Variants in KCNQ1 observed in about 807,000 individuals in gnomAD.
KCNQ1 encodes the protein potassium voltage-gated channel subfamily Q member 1.
A neutral mutation model predicts 72.4 loss-of-function variants in KCNQ1; 49 were observed. The observed-to-expected ratio is 0.68, with a 90% CI of 0.54 to 0.86. The LOEUF (loss-of-function observed/expected upper bound fraction) is 0.86. Ranked by LOEUF, KCNQ1 falls within the 40% of genes least tolerant of loss-of-function variation. The probability of loss-of-function intolerance (pLI) is 0.00; values close to 1 mark genes in which losing one functional copy is unlikely to be tolerated. For synonymous variants in KCNQ1, 450 were observed against 412.6 expected (o/e 1.09, Z -1.10); for missense variants, 790 against 945.1 (o/e 0.84, Z 2.15).
At chr11:2,732,695 G>A (rs916792208) in intron 11 of KCNQ1, among the ~76,000 whole-genome samples, 4 of 152,226 alleles carry the variant, frequency 2.6e-5, no homozygotes, top group Non-Finnish European at 4.4e-5. Flanking sequence ...AGGCACAAGC[G>A]GCCTTTTCTT....
chr11:2,673,062 T>C lies in KCNQ1; in HGVS notation c.1514+10981T>C, dbSNP rs1850215588. 2.5e-6 allele frequency: 1 copy of C among 398,634 alleles called. No homozygotes were observed. Among genetic ancestry groups the C allele is most frequent in the African/African-American group, 2.1e-5 (1 of 48,610 alleles). The allele number at this position is 398,634 out of a possible 1,614,324, so 24.7% of individuals were successfully genotyped here. A position where few individuals can be genotyped will look rare whatever the true frequency, so the allele number is the denominator to read the frequency against. ...GGGCTGGCCAAAAGGGACAGTGAAG[T>C]TGGCTTCTCAGGCCACAGTAGGCCT... On this transcript the variant is annotated intron_variant, in intron 11 of 15. Transcript: ENST00000155840. This position sits in a 1 kb window ranked among gnomAD's most constrained non-coding sequence, Gnocchi z 4.5.
At position 2,659,542 on chromosome 11, in the gene KCNQ1, A is replaced by G. The variant is rs1849913321; in HGVS notation, c.1394-2419A>G. 2.5e-6 allele frequency: 1 copy of G among 398,446 alleles called. No individual in the cohort carries two copies. The highest frequency in any genetic ancestry group is 1.3e-4 in the South Asian group (1 of 7,864). The allele number at this position is 398,446 out of a possible 1,614,324, so 24.7% of individuals were successfully genotyped here. A position where few individuals can be genotyped will look rare whatever the true frequency, so the allele number is the denominator to read the frequency against. On this transcript the variant is annotated intron_variant, in intron 10 of 15. Transcript: ENST00000155840. The surrounding 1 kb of genome is among the most constrained non-coding windows in gnomAD (Gnocchi z 4.3). ...TCTTCATTGTTTCCAGTATTTGGTA[A>G]TTATGAGCAGAGTTACTATACACAT...
At position 2,815,817 on chromosome 11, in the gene KCNQ1, C is replaced by T. The variant is rs1847601719; in HGVS notation, c.1795-31950C>T. ...CTTCCTGCTGGCCTCCCCAGAGCTC[C>T]AGGCTCTGAGGCCACACCCTCACCC... On this transcript the variant is annotated intron_variant, in intron 15 of 15. Coordinates refer to ENST00000155840, the MANE Select transcript of KCNQ1 (RefSeq NM_000218.3). This position sits in a 1 kb window ranked among gnomAD's most constrained non-coding sequence, Gnocchi z 5.4. Among the ~76,000 whole-genome samples the T allele has an allele frequency of 6.6e-6, 1 of 152,100 alleles. No individual in the cohort carries two copies. Among genetic ancestry groups the T allele is most frequent in the Non-Finnish European group, 1.5e-5 (1 of 67,956 alleles).
chr11:2,708,568 T>A (rs1408740659), intron 11 of KCNQ1, among the ~76,000 whole-genome samples: 2 of 152,016 alleles, frequency 1.3e-5, no homozygotes, highest in African/African-American at 2.4e-5. Flanking sequence ...ACCCCTGGGG[T>A]GCACAGGGTG....
In KCNQ1 at chr11:2,446,348, T is replaced by A. The variant is rs1166863117; in HGVS notation, c.386+864T>A. ...TCCTGGCTGCCCAGCCAGCGGCCTT[T>A]TGGTGTGGTGCCAGCCTCTGGCCTG... On this transcript the variant is annotated intron_variant, in intron 1 of 15. Transcript: ENST00000155840. The surrounding 1 kb of genome is among the most constrained non-coding windows in gnomAD (Gnocchi z 8.8). Among the ~76,000 whole-genome samples the A allele has an allele frequency of 3.3e-5, 5 of 152,234 alleles. No individual in the cohort carries two copies. In the East Asian group the frequency reaches 9.7e-4, roughly 29 times the overall value.
In KCNQ1 at chr11:2,488,424, G is replaced by A. The variant is rs1846776653; in HGVS notation, c.387-39504G>A. ...TTAATTTTTTGGGAAAGATTGAGAA[G>A]GATGGGAGTTTATTCTTTAAATATT... On this transcript the variant is annotated intron_variant, in intron 1 of 15. Transcript: ENST00000155840. The surrounding 1 kb of genome is among the most constrained non-coding windows in gnomAD (Gnocchi z 5.1). Among the ~76,000 whole-genome samples the A allele has an allele frequency of 1.3e-5, 2 of 152,268 alleles. No individual in the cohort carries two copies. The highest frequency in any genetic ancestry group is 3.9e-4 in the East Asian group (2 of 5,190).
chr11:2,676,352 T>C lies in KCNQ1; in HGVS notation c.1514+14271T>C, dbSNP rs964921887. ...TAGTTGAAGTGCTGTTTTCTCATGG[T>C]TGGGCTTCCAGTATAATTGGAAGGA... On this transcript the variant is annotated intron_variant, in intron 11 of 15. Coordinates refer to ENST00000155840, the MANE Select transcript of KCNQ1 (RefSeq NM_000218.3). This position sits in a 1 kb window ranked among gnomAD's most constrained non-coding sequence, Gnocchi z 4.2. The C allele has an allele frequency of 7.5e-6, 3 of 398,650 alleles. No individual in the cohort carries two copies. The highest frequency in any genetic ancestry group is 7.1e-5 in the East Asian group (2 of 28,074). 24.7% of individuals were successfully genotyped at this position (398,650 alleles called of 1,614,324 possible). A position where few individuals can be genotyped will look rare whatever the true frequency, so the allele number is the denominator to read the frequency against.
At chr11:2,558,696 C>T (rs761515765) in intron 2 of KCNQ1, among the ~76,000 whole-genome samples, 2 of 152,024 alleles carry the variant, frequency 1.3e-5, no homozygotes, top group African/African-American at 4.8e-5. Flanking sequence ...CTCATTAAAC[C>T]GCCTGAAACG....
intron 11 of KCNQ1, among the ~76,000 whole-genome samples, chr11:2,716,647 C>T (rs546176798): frequency 1.3e-3 from 201 of 152,320 alleles, no homozygotes; most frequent in African/African-American, 4.6e-3. Context: ...TCTTGAGGGC[C>T]GCTCAGCTAC....
At chr11:2,800,732 C>T (rs1847245934) in intron 15 of KCNQ1, among the ~76,000 whole-genome samples, 1 of 152,180 alleles carries the variant, frequency 6.6e-6, no homozygotes, top group Non-Finnish European at 1.5e-5. Context: ...TTCTTCAACC[C>T]TAAAATGGGG....
chr11:2,719,256 G>T (rs1397980165), intron 11 of KCNQ1, among the ~76,000 whole-genome samples: 2 of 150,042 alleles, frequency 1.3e-5, no homozygotes, highest in East Asian at 3.9e-4. Flanking sequence ...ACAGGCTGGT[G>T]CCTATAGTCC....
intron 10 of KCNQ1, chr11:2,649,246 T>C: frequency 2.5e-6 from 1 of 398,458 alleles, no homozygotes; most frequent in Non-Finnish European, 4.4e-6. Flanking sequence ...CTTACTCCTG[T>C]CATTTTATTG....
intron 8 of KCNQ1, 73 bp downstream of exon 8, chr11:2,585,380 C>G: frequency 7.6e-7 from 1 of 1,310,982 alleles, no homozygotes; most frequent in South Asian, 1.2e-5. Flanking sequence ...CTCACGGCCA[C>G]CTGTCAGAAC....
At chr11:2,641,937 G>T in intron 10 of KCNQ1, 2 of 398,364 alleles carry the variant, frequency 5.0e-6, no homozygotes, top group Non-Finnish European at 8.9e-6. Flanking sequence ...AAATCAGTTG[G>T]CTGTAAATAC....
Position 2,813,208 on chromosome 11 carries a change from C to G in KCNQ1, c.1795-34559C>G, listed in dbSNP as rs1847528637. Among the ~76,000 whole-genome samples the G allele has an allele frequency of 6.6e-6, 1 of 152,198 alleles. No homozygotes were observed. Among genetic ancestry groups the G allele is most frequent in the African/African-American group, 2.4e-5 (1 of 41,456 alleles). On this transcript the variant is annotated intron_variant, in intron 15 of 15. Coordinates refer to ENST00000155840, the MANE Select transcript of KCNQ1 (RefSeq NM_000218.3). This position sits in a 1 kb window ranked among gnomAD's most constrained non-coding sequence, Gnocchi z 4.4. Reference sequence around the variant, plus strand: ...CTGTCAAACTGAGGGGCTGGCAGAGCTGGAGGGAGTTCCATCCCAGCCCCA... The same window carrying G: ...CTGTCAAACTGAGGGGCTGGCAGAGGTGGAGGGAGTTCCATCCCAGCCCCA...
At position 2,468,220 on chromosome 11, in the gene KCNQ1, C is replaced by T. The variant is rs984397509; in HGVS notation, c.386+22736C>T. On this transcript the variant is annotated intron_variant, in intron 1 of 15. Transcript: ENST00000155840. This position sits in a 1 kb window ranked among gnomAD's most constrained non-coding sequence, Gnocchi z 5.7. The stretch of plus-strand genomic sequence containing the variant: ...AGAGTGCAGTGGTGTGATCTTGGTT[C>T]ACTGCAGCCTCGACCTCCCTGGCTC... Among the ~76,000 whole-genome samples the T allele has an allele frequency of 1.3e-5, 2 of 152,150 alleles. No homozygotes were observed. The highest frequency in any genetic ancestry group is 2.9e-5 in the Non-Finnish European group (2 of 68,038).
chr11:2,634,233 A>G, intron 10 of KCNQ1: 1 of 389,892 alleles, frequency 2.6e-6, no homozygotes, highest in Non-Finnish European at 4.5e-6. Context: ...GGTTTGTTAC[A>G]TATGTATACA....
rs1479773124 is a variant in KCNQ1, at chr11:2,725,940, C to G, written c.1515-42904C>G. On this transcript the variant is annotated intron_variant, in intron 11 of 15. Coordinates refer to ENST00000155840, the MANE Select transcript of KCNQ1 (RefSeq NM_000218.3). This position sits in a 1 kb window ranked among gnomAD's most constrained non-coding sequence, Gnocchi z 7.2. ...CTGCTGAACTAACTGAAACCCTAAC[C>G]TTCGGGCTTCCCCACTAATTTGTGA... Among the ~76,000 whole-genome samples, 1 of 152,232 alleles carries G rather than the reference C, an allele frequency of 6.6e-6. No individual in the cohort carries two copies. Among genetic ancestry groups the G allele is most frequent in the East Asian group, 1.9e-4 (1 of 5,188 alleles).
Position 2,745,458 on chromosome 11 carries a change from G to T in KCNQ1, c.1515-23386G>T, listed in dbSNP as rs917421864. Among the ~76,000 whole-genome samples, 3 of 152,140 alleles carry T rather than the reference G, an allele frequency of 2.0e-5. No individual in the cohort carries two copies. The highest frequency in any genetic ancestry group is 4.4e-5 in the Non-Finnish European group (3 of 68,020). On this transcript the variant is annotated intron_variant, in intron 11 of 15. Transcript: ENST00000155840. This position sits in a 1 kb window ranked among gnomAD's most constrained non-coding sequence, Gnocchi z 6.2. ...TAAAGAAATGCCATTGATTTGGGGG[G>T]GTTGATCTCACACCTGACAACCATG...
Sources: allele counts gnomAD v4.1 joint callset (sites outside exome capture counted in the v4.1 genomes callset), GRCh38; gene constraint gnomAD v4.1.1; non-coding constraint Gnocchi (gnomAD v3.1); transcripts MANE v1.5; gene names NCBI Gene and HGNC (gene_info 2026-07-23, HGNC 2026-07-21).